Variants in MTDH observed in about 807,000 individuals in gnomAD.
MTDH encodes the protein protein LYRIC.
MTDH carries 34 observed loss-of-function variants against 72.7 expected under a neutral mutation model. The ratio of observed to expected loss-of-function variants is 0.47; its 90% CI spans 0.36 to 0.62. The LOEUF (loss-of-function observed/expected upper bound fraction) is 0.62. MTDH is among the 20% of genes least tolerant of loss of function. The probability of loss-of-function intolerance (pLI) is 0.00; values close to 1 mark genes in which losing one functional copy is unlikely to be tolerated. For synonymous variants in MTDH, 266 were observed against 268.9 expected (o/e 0.99, Z 0.10); for missense variants, 677 against 699.4 (o/e 0.97, Z 0.36).
chr8:97,723,409 C>T (rs1411058917), intron 11 of MTDH, among the ~76,000 whole-genome samples: 1 of 141,114 alleles, frequency 7.1e-6, no homozygotes, highest in Non-Finnish European at 1.5e-5. Context: ...AAAAAAAAAA[C>T]GTCTAATGGA....
chr8:97,702,168 A>G (rs1191099915), intron 7 of MTDH, among the ~76,000 whole-genome samples: 1 of 152,222 alleles, frequency 6.6e-6, no homozygotes, highest in African/African-American at 2.4e-5. Context: ...CAGTTTGAAG[A>G]CATACATTAA....
At chr8:97,706,410 TC>T (rs1223582356) in intron 7 of MTDH, 1 of 296,184 alleles carries the variant, frequency 3.4e-6, no homozygotes. Flanking sequence ...TTCTGGAATT[TC>T]TTAGAAATTC....
At chr8:97,698,539 A>G (rs1813968091) in intron 6 of MTDH, among the ~76,000 whole-genome samples, 1 of 152,214 alleles carries the variant, frequency 6.6e-6, no homozygotes, top group African/African-American at 2.4e-5. Context: ...AGAAAAAACA[A>G]AAACAGACAA....
At chr8:97,664,223 G>A (rs1333481207) in intron 2 of MTDH, among the ~76,000 whole-genome samples, 2 of 146,942 alleles carry the variant, frequency 1.4e-5, no homozygotes. Context: ...GGGCATGGTG[G>A]CGTGTGCCTG....
At chr8:97,676,280 ATGGTTT>A (rs1812842358) in intron 2 of MTDH, among the ~76,000 whole-genome samples, 1 of 151,978 alleles carries the variant, frequency 6.6e-6, no homozygotes, top group African/African-American at 2.4e-5. Context: ...TTTTGCTTTT[ATGGTTT>A]GTCTCTGGGA....
At chr8:97,679,599 A>T (rs1812989612) in intron 2 of MTDH, among the ~76,000 whole-genome samples, 1 of 152,236 alleles carries the variant, frequency 6.6e-6, no homozygotes, top group Non-Finnish European at 1.5e-5. Flanking sequence ...TATTAAAATG[A>T]ATGCATTTAG....
chr8:97,711,009 AATAGATAG>A (rs200340295), intron 8 of MTDH, among the ~76,000 whole-genome samples: 1 of 149,810 alleles, frequency 6.7e-6, no homozygotes, highest in African/African-American at 2.6e-5. Context: ...CAAAAAAATA[AATAGATAG>A]ATAGATAAGA....
chr8:97,724,660 G>A lies in MTDH; in HGVS notation c.1739G>A (p.Arg580Gln), dbSNP rs1815286537. 3.8e-6 allele frequency: 6 copies of A among 1,593,862 alleles called. No individual in the cohort carries two copies. Among genetic ancestry groups the A allele is most frequent in the Non-Finnish European group, 4.3e-6 (5 of 1,175,154 alleles). The change falls in exon 12 of 12, where the codon CGA (arginine) becomes CAA (glutamine). Residue 580 changes from arginine to glutamine, a missense_variant. Physicochemically the swap from Arg to Gln is conservative, Grantham distance 43 (BLOSUM62 1). This residue lies in a region of MTDH where 201 missense variants were observed against 204.5 expected (regional missense o/e 0.98). Coordinates refer to ENST00000336273, the MANE Select transcript of MTDH (RefSeq NM_178812.4). ...ATAAAAAAGAAGAAAAAAGCCAGAC[G>A]AGAAACGTGAAATTTTTTTTCCTGA... ...KQIKKKKKAR[R>Q]ET
At chr8:97,647,361 A>G (rs962119021) in intron 1 of MTDH, among the ~76,000 whole-genome samples, 6 of 152,240 alleles carry the variant, frequency 3.9e-5, no homozygotes, top group Non-Finnish European at 5.9e-5. Context: ...CAGGAATTCA[A>G]GAACGACCTG....
In MTDH at chr8:97,726,505, T is replaced by C. The variant is rs1314689714; in HGVS notation, c.*1835T>C. 1.3e-5 allele frequency: 2 copies of C among 152,222 alleles called. No homozygotes were observed. Among genetic ancestry groups the C allele is most frequent in the Non-Finnish European group, 2.9e-5 (2 of 68,044 alleles). 9.4% of individuals were successfully genotyped at this position (152,222 alleles called of 1,614,324 possible). ...TCTAATTTTAGAATGTGCCAAATGG[T>C]CTGTGCTCAACAATATAATTGAACT... On this transcript the variant is annotated 3_prime_UTR_variant, in exon 12 of 12. Coordinates refer to ENST00000336273, the MANE Select transcript of MTDH (RefSeq NM_178812.4).
chr8:97,669,526 C>T lies in MTDH; in HGVS notation c.483+8353C>T, dbSNP rs183376738. 6.1e-3 allele frequency among the ~76,000 whole-genome samples: 923 copies of T among 152,178 alleles called. 2 individuals are homozygous for T. Among genetic ancestry groups the T allele is most frequent in the Non-Finnish European group, 7.4e-3 (504 of 68,010 alleles). ...CCATTAGCAGTAACTTAATATTTTC[C>T]CCTCTCCGCCACTTATCCCCAGTCC... On this transcript the variant is annotated intron_variant, in intron 2 of 11. Transcript: ENST00000336273.
At chr8:97,686,592 T>C (rs1813373142) in intron 2 of MTDH, 76 bp from the exon 3 acceptor site, 1 of 821,724 alleles carries the variant, frequency 1.2e-6, no homozygotes, top group South Asian at 2.3e-5. Context: ...ATCATACATT[T>C]CATTATGTAT....
intron 9 of MTDH, among the ~76,000 whole-genome samples, chr8:97,714,099 A>G (rs1249146369): frequency 6.6e-6 from 1 of 152,222 alleles, no homozygotes; most frequent in Non-Finnish European, 1.5e-5. Flanking sequence ...GGAAGGTAAC[A>G]TTTAGCACAC....
At chr8:97,723,137 G>T in intron 11 of MTDH, 102 bp downstream of exon 11, 3 of 1,242,372 alleles carry the variant, frequency 2.4e-6, no homozygotes, top group Non-Finnish European at 3.3e-6. Context: ...AGTGGCTCAC[G>T]CCTGTAATCC....
At chr8:97,709,312 T>G (rs1489026793) in intron 8 of MTDH, among the ~76,000 whole-genome samples, 1 of 147,408 alleles carries the variant, frequency 6.8e-6, no homozygotes, top group Non-Finnish European at 1.5e-5. Context: ...GGGTTTTAGA[T>G]TGGACCTACA....
At chr8:97,655,236 C>G (rs1352860396) in intron 1 of MTDH, among the ~76,000 whole-genome samples, 2 of 152,144 alleles carry the variant, frequency 1.3e-5, no homozygotes, top group African/African-American at 4.8e-5. Context: ...TTGTTTTGTA[C>G]TTTACTATAT....
intron 2 of MTDH, among the ~76,000 whole-genome samples, chr8:97,678,154 A>G (rs1213323263): frequency 1.3e-5 from 2 of 152,228 alleles, no homozygotes; most frequent in Non-Finnish European, 2.9e-5. Context: ...GAAACACATG[A>G]AGAACCACTT....
intron 2 of MTDH, among the ~76,000 whole-genome samples, chr8:97,669,920 C>CT: frequency 1.0e-5 from 1 of 98,596 alleles, no homozygotes; most frequent in Middle Eastern, 4.6e-3. Context: ...GAGACTCCAT[C>CT]TCAAAAAAAA....
chr8:97,679,352 A>G (rs1420398856), intron 2 of MTDH, among the ~76,000 whole-genome samples: 4 of 152,176 alleles, frequency 2.6e-5, no homozygotes. Context: ...AATAGTAATA[A>G]TAATAATAAA....
Sources: allele counts gnomAD v4.1 joint callset (sites outside exome capture counted in the v4.1 genomes callset), GRCh38; gene constraint gnomAD v4.1.1; regional missense constraint gnomAD v4.1.1; transcripts MANE v1.5; gene names NCBI Gene and HGNC (gene_info 2026-07-23, HGNC 2026-07-21).